OSM: variants seen among roughly 807,000 people sequenced by gnomAD.
OSM encodes the protein oncostatin M.
Under a neutral mutation model 6.3 loss-of-function variants are expected in OSM, and 1 was observed. The ratio of observed to expected loss-of-function variants is 0.16; its 90% CI spans 0.06 to 0.76. The LOEUF (loss-of-function observed/expected upper bound fraction) is 0.76, where lower values mean the gene tolerates loss of function less well. OSM is among the 30% of genes least tolerant of loss of function. The pLI is 0.77. For synonymous variants in OSM, 135 were observed against 143.4 expected (o/e 0.94, Z 0.42); for missense variants, 324 against 336.9 (o/e 0.96, Z 0.30).
At chr22:30,265,534 G>T in intron 1 of OSM, 1 of 427,036 alleles carries the variant, frequency 2.3e-6, no homozygotes, top group Non-Finnish European at 3.3e-6. Context: ...CTGGGCTAAA[G>T]ACCGGCCACT....
chr22:30,265,273 G>A (rs1444816078), intron 1 of OSM, 129 bp from the exon 2 acceptor site: 16 of 1,498,404 alleles, frequency 1.1e-5, no homozygotes, highest in Non-Finnish European at 1.3e-5. Flanking sequence ...TGGAGGGCGG[G>A]GGCTGGGCAC....
rs142841542 is a variant in OSM, at chr22:30,266,261, G to T, written c.34+505C>A. ...TCTGCATGTGGGGGTTCCTGGGCTG[G>T]TGAGATCCAGGGCTGTAGATGACGT... On this transcript the variant is annotated intron_variant, in intron 1 of 2. Transcript: ENST00000215781. The surrounding 1 kb of genome is among the most constrained non-coding windows in gnomAD (Gnocchi z 5.0). Among the ~76,000 whole-genome samples the T allele has an allele frequency of 5.3e-5, 8 of 152,288 alleles. No homozygotes were observed. The highest frequency in any genetic ancestry group is 1.0e-4 in the Non-Finnish European group (7 of 68,008).
At position 30,266,317 on chromosome 22, in the gene OSM, G is replaced by T. The variant is rs1929391514; in HGVS notation, c.34+449C>A. Among the ~76,000 whole-genome samples the T allele has an allele frequency of 6.6e-6, 1 of 152,114 alleles. No individual in the cohort carries two copies. Among genetic ancestry groups the T allele is most frequent in the African/African-American group, 2.4e-5 (1 of 41,430 alleles). ...GGCTGTGTGCGCATGTGGCCATGTG[G>T]GTGTGGCTGTGCATGCTGTGTGATT... On this transcript the variant is annotated intron_variant, in intron 1 of 2. Coordinates refer to ENST00000215781, the MANE Select transcript of OSM (RefSeq NM_020530.6). This position sits in a 1 kb window ranked among gnomAD's most constrained non-coding sequence, Gnocchi z 5.0.
In OSM at chr22:30,264,445, T is replaced by C; in HGVS notation, c.197A>G (p.Asp66Gly). The C allele has an allele frequency of 6.2e-7, 1 of 1,605,528 alleles. No individual in the cohort carries two copies. The highest frequency in any genetic ancestry group is 8.5e-7 in the Non-Finnish European group (1 of 1,173,128). Residue 66 changes from aspartate to glycine, a missense_variant, in exon 3 of 3, where the codon GAT becomes GGT. By Grantham distance (94) the Asp-to-Gly change is moderately conservative (BLOSUM62 -1). Transcript: ENST00000215781. ...GCAGTGCTCTCTCAGTTTAGGAACA[T>C]CCAGGCCTTGGATACGTATCTGGCG... The part of the protein sequence containing the change: ...LDPYIRIQGL[D>G]VPKLREHCRE...
rs776817375 is a variant in OSM, at chr22:30,264,027, C to G, written c.615G>C (p.Val205=). The G allele has an allele frequency of 6.4e-7, 1 of 1,570,638 alleles. No individual in the cohort carries two copies. The highest frequency in any genetic ancestry group is 2.3e-5 in the East Asian group (1 of 44,432). ...LHGYHRFMHS[V]GRVFSKWGES... ...CCCCCCACTTGCTGAAGACCCGCCC[C>G]ACTGAGTGCATGAAGCGATGGTAGC... The change falls in exon 3 of 3, where the codon GTG becomes GTC. Residue 205 remains valine (V), a synonymous_variant. Coordinates refer to ENST00000215781, the MANE Select transcript of OSM (RefSeq NM_020530.6).
At chr22:30,264,544 G>T in intron 2 of OSM, 80 bp from the exon 3 acceptor site, 1 of 1,181,290 alleles carries the variant, frequency 8.5e-7, no homozygotes, top group Non-Finnish European at 1.2e-6. Flanking sequence ...TGAAATGCTA[G>T]ACCTCATGCA....
At position 30,264,187 on chromosome 22, in the gene OSM, C is replaced by A. The variant is rs1348179456; in HGVS notation, c.455G>T (p.Cys152Phe). 9 of 1,613,854 alleles carry A rather than the reference C, an allele frequency of 5.6e-6. No homozygotes were observed. Among genetic ancestry groups the A allele is most frequent in the Admixed American group, 5.0e-5 (3 of 60,010 alleles). ...NILGLRNNIY[C>F]MAQLLDNSDT... ...TGAGTTGTCCAGCAGCTGGGCCATG[C>A]AGTAGATGTTGTTCCTGAGCCCGAG... The change falls in exon 3 of 3, where the codon TGC (cysteine) becomes TTC (phenylalanine). Residue 152 changes from cysteine to phenylalanine, a missense_variant. Transcript: ENST00000215781.
At position 30,264,133 on chromosome 22, in the gene OSM, C is replaced by T. The variant is rs776077012; in HGVS notation, c.509G>A (p.Arg170Gln). The change falls in exon 3 of 3, where the codon CGG becomes CAG. Residue 170 changes from arginine (R) to glutamine (Q), a missense_variant. Coordinates refer to ENST00000215781, the MANE Select transcript of OSM (RefSeq NM_020530.6). ...GGGGGTGGGCGGCTGAGAGGCCCCC[C>T]GGCCAGCCTTCGTGGGCTCAGCCGT... ...SDTAEPTKAG[R>Q]GASQPPTPTP... The T allele has an allele frequency of 1.2e-5, 19 of 1,612,370 alleles. No individual in the cohort carries two copies. Among genetic ancestry groups the T allele is most frequent in the African/African-American group, 8.0e-5 (6 of 74,924 alleles).
Position 30,263,003 on chromosome 22 carries a change from T to C in OSM, c.*880A>G, listed in dbSNP as rs990857648. The C allele has an allele frequency of 1.3e-5, 2 of 152,712 alleles. No individual in the cohort carries two copies. Among genetic ancestry groups the C allele is most frequent in the East Asian group, 3.8e-4 (2 of 5,316 alleles). 9.5% of individuals were successfully genotyped at this position (152,712 alleles called of 1,614,324 possible). On this transcript the variant is annotated 3_prime_UTR_variant, in exon 3 of 3. Coordinates refer to ENST00000215781, the MANE Select transcript of OSM (RefSeq NM_020530.6). ...TCTGAGACCCCCTCTAGGAGAGCAA[T>C]GGCTCCTGCGTGAGAAAATTCCAGG...
chr22:30,265,459 T>C (rs1387714147), intron 1 of OSM: 1 of 1,107,668 alleles, frequency 9.0e-7, no homozygotes, highest in African/African-American at 1.6e-5. Context: ...CAGTCCTGCC[T>C]ACAGCACGGT....
Position 30,266,771 on chromosome 22 carries a change from A to G in OSM, c.29T>C (p.Leu10Pro). 6.2e-7 allele frequency: 1 copy of G among 1,613,364 alleles called. No homozygotes were observed. Reference protein sequence around the residue: MGVLLTQRTLLSLVLALLFP... With the variant: MGVLLTQRTPLSLVLALLFP... ...GGGAGGAAGGAAGTACTTACTGAGC[A>G]GCGTCCTCTGTGTGAGCAGTACCCC... is the stretch of plus-strand genomic sequence containing the variant. The change falls in exon 1 of 3, where the codon CTG becomes CCG. Residue 10 changes from leucine to proline, a missense_variant. Leu to Pro is a moderately conservative substitution (Grantham distance 98). Coordinates refer to ENST00000215781, the MANE Select transcript of OSM (RefSeq NM_020530.6). The surrounding 1 kb of genome is among the most constrained non-coding windows in gnomAD (Gnocchi z 5.0).
At chr22:30,265,390 A>G (rs1483018901) in intron 1 of OSM, 1 of 985,364 alleles carries the variant, frequency 1.0e-6, no homozygotes, top group Non-Finnish European at 1.2e-6. Context: ...GGACTGAGAC[A>G]GTGGCTGCGA....
At chr22:30,264,926 T>A in intron 2 of OSM, 76 bp downstream of exon 2, 1 of 1,549,712 alleles carries the variant, frequency 6.5e-7, no homozygotes, top group Non-Finnish European at 8.8e-7. Flanking sequence ...GCTAGGCCTG[T>A]CCTCCCTGCT....
rs1266726768 is a variant in OSM, at chr22:30,266,184, G to A, written c.34+582C>T. Among the ~76,000 whole-genome samples the A allele has an allele frequency of 6.6e-6, 1 of 152,232 alleles. No homozygotes were observed. The highest frequency in any genetic ancestry group is 1.5e-5 in the Non-Finnish European group (1 of 68,032). On this transcript the variant is annotated intron_variant, in intron 1 of 2. Coordinates refer to ENST00000215781, the MANE Select transcript of OSM (RefSeq NM_020530.6). This position sits in a 1 kb window ranked among gnomAD's most constrained non-coding sequence, Gnocchi z 5.0. ...GGGTTTCTGTGTGGCTGTGCATCTG[G>A]GTCTGTGTGCGGCGTGAGGGAGACC...
Position 30,266,678 on chromosome 22 carries a change from C to T in OSM, c.34+88G>A, listed in dbSNP as rs1198038443. The T allele has an allele frequency of 2.6e-5, 39 of 1,482,774 alleles. No individual in the cohort carries two copies. In the East Asian group the frequency reaches 6.4e-4, roughly 24 times the overall value. The allele number at this position is 1,482,774 out of a possible 1,614,324, so 91.9% of individuals were successfully genotyped here. A position where few individuals can be genotyped will look rare whatever the true frequency, so the allele number is the denominator to read the frequency against. On this transcript the variant is annotated intron_variant, in intron 1 of 2. Transcript: ENST00000215781. The surrounding 1 kb of genome is among the most constrained non-coding windows in gnomAD (Gnocchi z 5.0). ...CCTGGCGCCTGGCCTCCCCAGTTCC[C>T]GGAGGGCAGAGGGTGCCTCTGCTCC... is the stretch of plus-strand genomic sequence containing the variant.
At position 30,266,694 on chromosome 22, in the gene OSM, C is replaced by T. The variant is rs1338358811; in HGVS notation, c.34+72G>A. ...CCCAGTTCCCGGAGGGCAGAGGGTG[C>T]CTCTGCTCCCCACCGGCACCCGTGG... On this transcript the variant is annotated intron_variant, in intron 1 of 2. Coordinates refer to ENST00000215781, the MANE Select transcript of OSM (RefSeq NM_020530.6). The surrounding 1 kb of genome is among the most constrained non-coding windows in gnomAD (Gnocchi z 5.0). 2 of 1,561,244 alleles carry T rather than the reference C, an allele frequency of 1.3e-6. No homozygotes were observed. The highest frequency in any genetic ancestry group is 1.8e-6 in the Non-Finnish European group (2 of 1,135,744).
In OSM at chr22:30,264,385, G is replaced by A; in HGVS notation, c.257C>T (p.Thr86Ile). Residue 86 changes from threonine (T) to isoleucine (I), a missense_variant, in exon 3 of 3, where the codon ACC becomes ATC. By Grantham distance (89) the Thr-to-Ile change is moderately conservative. Coordinates refer to ENST00000215781, the MANE Select transcript of OSM (RefSeq NM_020530.6). Reference protein sequence around the residue: ...ERPGAFPSEETLRGLGRRGFL... With the variant: ...ERPGAFPSEEILRGLGRRGFL... ...GCCCCGCCTGCCCAGCCCCCTCAGG[G>A]TCTCCTCACTGGGGAAGGCCCCGGG... 1 of 1,614,082 alleles carries A rather than the reference G, an allele frequency of 6.2e-7. No individual in the cohort carries two copies.
rs755074450 is a variant in OSM, at chr22:30,264,376, C to T, written c.266G>A (p.Gly89Glu). 3.1e-6 allele frequency: 5 copies of T among 1,613,944 alleles called. No homozygotes were observed. The highest frequency in any genetic ancestry group is 4.2e-6 in the Non-Finnish European group (5 of 1,180,022). Reference protein sequence around the residue: ...GAFPSEETLRGLGRRGFLQTL... With the variant: ...GAFPSEETLRELGRRGFLQTL... ...CTGCAGGAAGCCCCGCCTGCCCAGC[C>T]CCCTCAGGGTCTCCTCACTGGGGAA... Residue 89 changes from glycine to glutamate, a missense_variant, in exon 3 of 3, where the codon GGG becomes GAG. Gly to Glu is a moderately conservative substitution (Grantham distance 98, BLOSUM62 -2). Transcript: ENST00000215781.
Position 30,264,020 on chromosome 22 carries a change from C to A in OSM, c.622G>T (p.Val208Phe). The A allele has an allele frequency of 6.4e-7, 1 of 1,565,134 alleles. No individual in the cohort carries two copies. Among genetic ancestry groups the A allele is most frequent in the Non-Finnish European group, 8.7e-7 (1 of 1,153,386 alleles). Residue 208 changes from valine to phenylalanine, a missense_variant, in exon 3 of 3, where the codon GTC (valine) becomes TTC (phenylalanine). By Grantham distance (50) the Val-to-Phe change is conservative. Coordinates refer to ENST00000215781, the MANE Select transcript of OSM (RefSeq NM_020530.6). ...YHRFMHSVGR[V>F]FSKWGESPNR... ...GGGCTCTCCCCCCACTTGCTGAAGACCCGCCCCACTGAGTGCATGAAGCGA... is the reference window on the plus strand; with the variant it reads ...GGGCTCTCCCCCCACTTGCTGAAGAACCGCCCCACTGAGTGCATGAAGCGA...
Sources: allele counts gnomAD v4.1 joint callset (sites outside exome capture counted in the v4.1 genomes callset), GRCh38; gene constraint gnomAD v4.1.1; non-coding constraint Gnocchi (gnomAD v3.1); transcripts MANE v1.5; gene names NCBI Gene and HGNC (gene_info 2026-07-23, HGNC 2026-07-21).